SPAG6: variants seen among roughly 807,000 people sequenced by gnomAD.
SPAG6 encodes the protein sperm associated antigen 6.
In SPAG6, 49 loss-of-function variants were observed where a neutral mutation model predicts 58.5. The observed-to-expected ratio is 0.84, with a 90% CI of 0.67 to 1.06. The LOEUF (loss-of-function observed/expected upper bound fraction) is 1.06. Ranked by LOEUF, SPAG6 falls within the 50% of genes least tolerant of loss-of-function variation. The pLI is 0.00. For missense variants in SPAG6, 560 were observed against 611.3 expected, an observed-to-expected ratio of 0.92 and a Z score of 0.89; for synonymous variants, 233 against 225.6, an observed-to-expected ratio of 1.03 and a Z score of -0.29.
At chr10:22,400,256 A>AT (rs1834378425) in intron 8 of SPAG6, among the ~76,000 whole-genome samples, 1 of 152,170 alleles carries the variant, frequency 6.6e-6, no homozygotes, top group Admixed American at 6.5e-5. Context: ...GAGAAAAGCC[A>AT]TAAGGGAGCA....
At chr10:22,366,397 G>A (rs751601554) in intron 3 of SPAG6, among the ~76,000 whole-genome samples, 1 of 152,156 alleles carries the variant, frequency 6.6e-6, no homozygotes, top group African/African-American at 2.4e-5. Context: ...GTTGCCAGGG[G>A]CTGGAAGGAG....
intron 4 of SPAG6, among the ~76,000 whole-genome samples, chr10:22,384,171 A>T (rs1803407984): frequency 6.6e-6 from 1 of 152,202 alleles, no homozygotes; most frequent in African/African-American, 2.4e-5. Flanking sequence ...TTCTTCCATT[A>T]TAGTTGCAAG....
At chr10:22,416,586 C>G (rs1162439505) in intron 10 of SPAG6, 33 bp from the exon 11 acceptor site, 3 of 1,350,542 alleles carry the variant, frequency 2.2e-6, no homozygotes, top group Non-Finnish European at 3.2e-6. Context: ...TTGATCGTTT[C>G]ACCAGCATTT....
intron 8 of SPAG6, among the ~76,000 whole-genome samples, chr10:22,392,927 CT>C (rs1171301487): frequency 4.6e-5 from 7 of 151,064 alleles, no homozygotes; most frequent in East Asian, 1.9e-4. Flanking sequence ...TAAGATTTAA[CT>C]TTTTTTTTCA....
At chr10:22,373,203 G>A (rs115525468) in intron 4 of SPAG6, among the ~76,000 whole-genome samples, 66 of 152,228 alleles carry the variant, frequency 4.3e-4, no homozygotes, top group African/African-American at 1.3e-3. Context: ...CGCTTGCAGG[G>A]TCTGGCTGAT....
At chr10:22,412,127 G>A (rs1834755508) in intron 10 of SPAG6, among the ~76,000 whole-genome samples, 2 of 152,074 alleles carry the variant, frequency 1.3e-5, no homozygotes, top group South Asian at 2.1e-4. Context: ...GGGATTACAG[G>A]CGTGAGCCAC....
At chr10:22,389,849 G>A (rs1834145823) in intron 7 of SPAG6, among the ~76,000 whole-genome samples, 1 of 152,058 alleles carries the variant, frequency 6.6e-6, no homozygotes, top group South Asian at 2.1e-4. Flanking sequence ...TTGCTCTAGG[G>A]CTTTTGCTTT....
Position 22,345,837 on chromosome 10 carries a change from C to G in SPAG6, c.121+19C>G, listed in dbSNP as rs1244835840. On this transcript the variant is annotated intron_variant, in intron 2 of 10. Transcript: ENST00000376624. This position sits in a 1 kb window ranked among gnomAD's most constrained non-coding sequence, Gnocchi z 6.3. ...AACGCGGGTGAGCCCGGAGCCCGAACCCCCGTCGCCCCCCGCGCACTGAGT... is the reference window on the plus strand; with the variant it reads ...AACGCGGGTGAGCCCGGAGCCCGAAGCCCCGTCGCCCCCCGCGCACTGAGT... The G allele has an allele frequency of 6.2e-7, 1 of 1,603,488 alleles. No homozygotes were observed. The highest frequency in any genetic ancestry group is 8.5e-7 in the Non-Finnish European group (1 of 1,175,340).
intron 7 of SPAG6, among the ~76,000 whole-genome samples, chr10:22,390,712 T>C (rs559220822): frequency 6.6e-6 from 1 of 152,308 alleles, no homozygotes; most frequent in South Asian, 2.1e-4. Flanking sequence ...ACATGTGGGC[T>C]TTCTGGAAAG....
intron 2 of SPAG6, chr10:22,346,186 C>T: frequency 1.0e-6 from 1 of 1,000,444 alleles, no homozygotes. Context: ...TCGACTTCCT[C>T]ACAGCAAAGC....
At chr10:22,406,233 G>T (rs547246743) in intron 9 of SPAG6, among the ~76,000 whole-genome samples, 13 of 152,020 alleles carry the variant, frequency 8.6e-5, no homozygotes, top group Non-Finnish European at 1.5e-5. Flanking sequence ...TGATGTTAGG[G>T]TGTCAATTTT....
intron 2 of SPAG6, among the ~76,000 whole-genome samples, chr10:22,361,827 CTTAAAA>C (rs1837049380): frequency 6.6e-6 from 1 of 151,636 alleles, no homozygotes; most frequent in Admixed American, 6.6e-5. Flanking sequence ...ATAATAAACA[CTTAAAA>C]TTAAATATTA....
intron 2 of SPAG6, among the ~76,000 whole-genome samples, chr10:22,353,627 T>C (rs983727799): frequency 1.3e-5 from 2 of 152,274 alleles, no homozygotes; most frequent in Admixed American, 6.5e-5. Context: ...GGTTTATTCA[T>C]TATTCTATTC....
In SPAG6 at chr10:22,406,117, T is replaced by C. The variant is rs550946228; in HGVS notation, c.1314+4840T>C. On this transcript the variant is annotated intron_variant, in intron 9 of 10. Transcript: ENST00000376624. ...CTGGATTCGTTAATTTTTTGAAGGG[T>C]TTTTTGTGTCTCTATTTCCTTCAGT... 1.5e-3 allele frequency among the ~76,000 whole-genome samples: 231 copies of C among 152,218 alleles called. 2 individuals carry two copies. The highest frequency in any genetic ancestry group is 2.7e-3 in the Non-Finnish European group (183 of 67,998).
intron 8 of SPAG6, among the ~76,000 whole-genome samples, chr10:22,394,799 T>G (rs1834255685): frequency 6.6e-6 from 1 of 152,176 alleles, no homozygotes; most frequent in Non-Finnish European, 1.5e-5. Context: ...CTTGAACTCC[T>G]GGGCCCAAGT....
Position 22,393,106 on chromosome 10 carries a change from A to G in SPAG6, c.1197+1186A>G, listed in dbSNP as rs1304181578. ...TCTTTAACTTTCTGGTGAGAAACCA[A>G]AACTCTATTCCTAGCTTTAAGTTGT... On this transcript the variant is annotated intron_variant, in intron 8 of 10. Transcript: ENST00000376624. Among the ~76,000 whole-genome samples, 3 of 152,258 alleles carry G rather than the reference A, an allele frequency of 2.0e-5. No homozygotes were observed. In the East Asian group the frequency reaches 5.8e-4, roughly 29 times the overall value.
At position 22,345,899 on chromosome 10, in the gene SPAG6, C is replaced by G. The variant is rs532536280; in HGVS notation, c.121+81C>G. On this transcript the variant is annotated intron_variant, in intron 2 of 10. Transcript: ENST00000376624. This position sits in a 1 kb window ranked among gnomAD's most constrained non-coding sequence, Gnocchi z 6.3. ...CCGCCCCGCTGCCCTGCCCGTGGAG[C>G]TCTTGGGGAGCCGCAGTGTGGGGAC... 1.5e-4 allele frequency: 229 copies of G among 1,578,204 alleles called. No homozygotes were observed. The African/African-American group carries it at 2.8e-3, about 20-fold the overall frequency.
rs1837148570 is a variant in SPAG6, at chr10:22,364,874, C to T, written c.143C>T (p.Thr48Ile). Residue 48 changes from threonine (T) to isoleucine (I), a missense_variant, in exon 3 of 11, where the codon ACT (threonine) becomes ATT (isoleucine). Coordinates refer to ENST00000376624, the MANE Select transcript of SPAG6 (RefSeq NM_012443.4). ...QNAGVMSLLR[T>I]LLLDVVPTIQ... is the part of the protein sequence containing the mutation. The stretch of plus-strand genomic sequence containing the variant: ...TCAGGTGTAATGTCTTTGCTGAGAA[C>T]TCTTCTTCTGGACGTGGTCCCAACA... 2 of 1,609,672 alleles carry T rather than the reference C, an allele frequency of 1.2e-6. No homozygotes were observed. The highest frequency in any genetic ancestry group is 1.7e-6 in the Non-Finnish European group (2 of 1,178,678).
At chr10:22,377,126 T>C (rs1234433740) in intron 4 of SPAG6, among the ~76,000 whole-genome samples, 1 of 151,738 alleles carries the variant, frequency 6.6e-6, no homozygotes, top group East Asian at 1.9e-4. Flanking sequence ...GGCCACTTGC[T>C]CTAGGGGAAG....
Sources: allele counts gnomAD v4.1 joint callset (sites outside exome capture counted in the v4.1 genomes callset), GRCh38; gene constraint gnomAD v4.1.1; non-coding constraint Gnocchi (gnomAD v3.1); transcripts MANE v1.5; gene names NCBI Gene and HGNC (gene_info 2026-07-23, HGNC 2026-07-21).